DHX15: variants seen among roughly 807,000 people sequenced by gnomAD.
DHX15 encodes the protein DEAH-box helicase 15.
Under a neutral mutation model 94.4 loss-of-function variants are expected in DHX15, and 11 were observed. The observed-to-expected ratio is 0.12, with a 90% CI of 0.07 to 0.19. DHX15 has a LOEUF of 0.19. Among genes scored for constraint, DHX15 ranks in the 10% least tolerant of loss-of-function variants. DHX15 has a pLI of 1.00. For synonymous variants in DHX15, 338 were observed against 329.9 expected (o/e 1.02, Z -0.27); for missense variants, 304 against 988.5 (o/e 0.31, Z 9.29).
chr4:24,549,995 A>G (rs1414933956), intron 5 of DHX15, among the ~76,000 whole-genome samples: 2 of 146,802 alleles, frequency 1.4e-5, no homozygotes, highest in Non-Finnish European at 3.0e-5. Context: ...CGGGAGGCTG[A>G]GGCGGGAGAA....
rs374468311 is a variant in DHX15 at position 24,527,877 on chromosome 4, A to G, written c.*47T>C. ...ACAACTCGAACTTTTGAGTTCATTCATCTTTTAAAGCTGTCCTCTCAATAA... is the reference window on the plus strand; with the variant it reads ...ACAACTCGAACTTTTGAGTTCATTCGTCTTTTAAAGCTGTCCTCTCAATAA... On this transcript the variant is annotated 3_prime_UTR_variant, in exon 14 of 14. Coordinates refer to ENST00000336812, the MANE Select transcript of DHX15 (RefSeq NM_001358.3). 1 of 1,401,390 alleles carries G rather than the reference A, an allele frequency of 7.1e-7. No individual in the cohort carries two copies. The highest frequency in any genetic ancestry group is 1.7e-5 in the Admixed American group (1 of 59,034). The allele number at this position is 1,401,390 out of a possible 1,614,324, so 86.8% of individuals were successfully genotyped here.
At chr4:24,566,033 CA>C (rs1406301240) in intron 3 of DHX15, among the ~76,000 whole-genome samples, 1 of 148,572 alleles carries the variant, frequency 6.7e-6, no homozygotes, top group African/African-American at 2.5e-5. Context: ...ATTCTCTTCA[CA>C]AACCACCATT....
chr4:24,564,897 G>A (rs1721960648), intron 3 of DHX15, among the ~76,000 whole-genome samples: 1 of 152,144 alleles, frequency 6.6e-6, no homozygotes, highest in African/African-American at 2.4e-5. Flanking sequence ...TCAAACCCTG[G>A]ACTCTTAAAG....
Position 24,537,100 on chromosome 4 carries a change from T to A in DHX15, c.1860A>T (p.Ile620=). The A allele has an allele frequency of 6.2e-7, 1 of 1,613,974 alleles. No individual in the cohort carries two copies. ...ADEAKMRFAH[I]DGDHLTLLNV... is the part of the protein sequence containing the mutation. ...TCAGCAGTGTCAGATGATCTCCATC[T>A]ATGTGGGCAAATCTCATCTTGGCCT... Residue 620 remains isoleucine (I), a synonymous_variant, in exon 11 of 14, where the codon ATA becomes ATT. Transcript: ENST00000336812. This position sits in a 1 kb window ranked among gnomAD's most constrained non-coding sequence, Gnocchi z 4.7.
Position 24,573,778 on chromosome 4 carries a change from T to C in DHX15, c.507+2465A>G, listed in dbSNP as rs528697015. Among the ~76,000 whole-genome samples the C allele has an allele frequency of 2.6e-5, 4 of 152,290 alleles. No individual in the cohort carries two copies. In the South Asian group the frequency reaches 8.3e-4, roughly 32 times the overall value. On this transcript the variant is annotated intron_variant, in intron 2 of 13. Coordinates refer to ENST00000336812, the MANE Select transcript of DHX15 (RefSeq NM_001358.3). ...TAGCCAGAGCATACCTGCATTCCCT[T>C]AGCTCAACATGCGTCCTTGCTCACA...
chr4:24,572,190 G>C (rs1481102910), intron 2 of DHX15, among the ~76,000 whole-genome samples: 2 of 152,184 alleles, frequency 1.3e-5, no homozygotes, highest in African/African-American at 4.8e-5. Context: ...GACCAGGCTG[G>C]AGTGCAGTGG....
intron 6 of DHX15, among the ~76,000 whole-genome samples, chr4:24,548,181 C>T (rs930976153): frequency 3.0e-5 from 4 of 133,480 alleles, no homozygotes; most frequent in African/African-American, 1.1e-4. Flanking sequence ...GTCGCGCTGT[C>T]GCCCAGGCTG....
At chr4:24,583,756 T>C (rs1722532713) in intron 1 of DHX15, among the ~76,000 whole-genome samples, 1 of 151,540 alleles carries the variant, frequency 6.6e-6, no homozygotes, top group South Asian at 2.1e-4. Flanking sequence ...GAGAACTCCC[T>C]ATTTGCTGGC....
At chr4:24,553,183 T>C (rs1258021542) in intron 5 of DHX15, among the ~76,000 whole-genome samples, 4 of 152,052 alleles carry the variant, frequency 2.6e-5, no homozygotes, top group Non-Finnish European at 5.9e-5. Context: ...TAGTTGGGCA[T>C]GGTGGCGCAT....
chr4:24,552,476 T>C (rs1239571590), intron 5 of DHX15, among the ~76,000 whole-genome samples: 16 of 152,306 alleles, frequency 1.1e-4, no homozygotes, highest in Admixed American at 9.8e-4. Flanking sequence ...CAGAAGCACT[T>C]TTATTTAGTG....
intron 3 of DHX15, among the ~76,000 whole-genome samples, chr4:24,563,770 A>G (rs546397166): frequency 7.9e-5 from 12 of 152,256 alleles, no homozygotes; most frequent in Non-Finnish European, 1.0e-4. Context: ...GCTGTTTCAA[A>G]AAGTATGAGG....
At chr4:24,575,893 A>G (rs1577351422) in intron 2 of DHX15, among the ~76,000 whole-genome samples, 1 of 152,198 alleles carries the variant, frequency 6.6e-6, no homozygotes, top group Non-Finnish European at 1.5e-5. Context: ...TCAAAATACC[A>G]TATTAAATAC....
In DHX15 at chr4:24,529,782, AC is replaced by A. The variant is rs1471431144; in HGVS notation, c.2101-13del. The A allele has an allele frequency of 6.2e-7, 1 of 1,613,948 alleles. No individual in the cohort carries two copies. Among genetic ancestry groups the A allele is most frequent in the Non-Finnish European group, 8.5e-7 (1 of 1,179,846 alleles). On this transcript the variant is annotated splice_polypyrimidine_tract_variant and intron_variant, in intron 12 of 13. Coordinates refer to ENST00000336812, the MANE Select transcript of DHX15 (RefSeq NM_001358.3). ...TCTAAATGTGCCACCTGAAACCAAA[AC>A]CCAGTATATTATTAATACAATGCTT...
chr4:24,532,852 T>C lies in DHX15; in HGVS notation c.2100+12A>G, dbSNP rs771104403. The C allele has an allele frequency of 8.3e-6, 13 of 1,558,922 alleles. No individual in the cohort carries two copies. In the African/African-American group the frequency reaches 1.1e-4, roughly 13 times the overall value. ...GAATACTTAGTTATTCATTCCCATA[T>C]TATCTACATACCTGCATAAAATACC... On this transcript the variant is annotated intron_variant, in intron 12 of 13. Transcript: ENST00000336812.
chr4:24,542,882 T>C (rs962033240), intron 7 of DHX15, 58 bp downstream of exon 7: 7 of 1,229,854 alleles, frequency 5.7e-6, no homozygotes, highest in East Asian at 2.4e-5. Context: ...ATTAAATGAA[T>C]TGGTTGTAAG....
rs1334125259 is a variant in DHX15 at position 24,537,863 on chromosome 4, A to G, written c.1787-690T>C. ...AGCCTAGTGTTTCAGCATTTTAACA[A>G]AAGGATTAGAAAATAAAGTCCCAAA... is the stretch of plus-strand genomic sequence containing the variant. On this transcript the variant is annotated intron_variant, in intron 10 of 13. Coordinates refer to ENST00000336812, the MANE Select transcript of DHX15 (RefSeq NM_001358.3). This position sits in a 1 kb window ranked among gnomAD's most constrained non-coding sequence, Gnocchi z 4.7. 3.9e-5 allele frequency: 6 copies of G among 152,214 alleles called. No individual in the cohort carries two copies. The highest frequency in any genetic ancestry group is 1.4e-4 in the African/African-American group (6 of 41,462). 9.4% of individuals were successfully genotyped at this position (152,214 alleles called of 1,614,324 possible).
rs755012209 is a variant in DHX15 at position 24,554,752 on chromosome 4, A to G, written c.1053T>C (p.Asp351=). 1.9e-6 allele frequency: 3 copies of G among 1,613,504 alleles called. No homozygotes were observed. The highest frequency in any genetic ancestry group is 3.3e-5 in the Admixed American group (2 of 60,014). The change falls in exon 5 of 14, where the codon GAT becomes GAC. Residue 351 remains aspartate, a synonymous_variant. Transcript: ENST00000336812. Reference sequence around the variant, plus strand: ...CTTGACCAGTTAAGAAAAGAAGAAGATCTCCCTCTTCCTCTTCACACATAT... The same window carrying G: ...CTTGACCAGTTAAGAAAAGAAGAAGGTCTCCCTCTTCCTCTTCACACATAT... ...QIHMCEEEEG[D]LLLFLTGQEE...
intron 10 of DHX15, chr4:24,538,371 T>A (rs957828975): frequency 6.6e-6 from 1 of 152,164 alleles, no homozygotes; most frequent in African/African-American, 2.4e-5. Flanking sequence ...ATAATAAATA[T>A]TAAAACTCTT....
chr4:24,529,986 A>C, intron 12 of DHX15: 1 of 572,696 alleles, frequency 1.7e-6, no homozygotes, highest in Non-Finnish European at 3.1e-6. Flanking sequence ...TGAATCCAAA[A>C]TGGTTTATTT....
Sources: gnomAD v4.1 joint callset for allele counts (sites outside exome capture counted in the v4.1 genomes callset) on GRCh38, gnomAD v4.1.1 for gene constraint, Gnocchi (gnomAD v3.1) non-coding constraint, MANE v1.5 for transcripts, NCBI Gene and HGNC (gene_info 2026-07-23, HGNC 2026-07-21) for gene names.